FAM81B: variants seen among roughly 807,000 people sequenced by gnomAD.
FAM81B encodes the protein protein FAM81B.
FAM81B carries 60 observed loss-of-function variants against 58.7 expected under a neutral mutation model. The observed-to-expected ratio is 1.02, with a 90% CI of 0.83 to 1.27. The LOEUF (loss-of-function observed/expected upper bound fraction) is 1.27, where lower values mean the gene tolerates loss of function less well. Among genes scored for constraint, FAM81B ranks in the 50% most tolerant of loss-of-function variants. FAM81B has a pLI of 0.00. For synonymous variants in FAM81B, 189 were observed against 179.6 expected, an observed-to-expected ratio of 1.05 and a Z score of -0.42; for missense variants, 491 against 522.0, an observed-to-expected ratio of 0.94 and a Z score of 0.58.
intron 4 of FAM81B, among the ~76,000 whole-genome samples, chr5:95,417,312 T>G (rs137990568): frequency 6.6e-6 from 1 of 152,160 alleles, no homozygotes; most frequent in African/African-American, 2.4e-5. Flanking sequence ...AGAAATAAGA[T>G]TTTTTTTCTT....
At chr5:95,413,264 A>G (rs146864640) in intron 3 of FAM81B, among the ~76,000 whole-genome samples, 2 of 152,146 alleles carry the variant, frequency 1.3e-5, no homozygotes, top group Admixed American at 1.3e-4. Flanking sequence ...TCACACACTA[A>G]TCTCCTCTGG....
At chr5:95,441,249 A>G (rs1745331774) in intron 7 of FAM81B, among the ~76,000 whole-genome samples, 1 of 152,026 alleles carries the variant, frequency 6.6e-6, no homozygotes, top group South Asian at 2.1e-4. Flanking sequence ...GGAACCTCAA[A>G]CTTTACATGC....
chr5:95,436,746 T>A, intron 6 of FAM81B, 54 bp from the exon 7 acceptor site: 1 of 1,116,566 alleles, frequency 9.0e-7, no homozygotes, highest in Non-Finnish European at 1.4e-6. Context: ...AGTATATTAA[T>A]GTGAATGCTG....
rs564408679 is a variant in FAM81B, at chr5:95,442,262, T to C, written c.894-4300T>C. On this transcript the variant is annotated intron_variant, in intron 7 of 9. Transcript: ENST00000283357. ...TACTTACAGTTGAGAAGAAACAACA[T>C]AAGTGAAAAGCTAAACACAGGAAAA... 2.2e-4 allele frequency among the ~76,000 whole-genome samples: 33 copies of C among 152,268 alleles called. No individual in the cohort carries two copies. The East Asian group carries it at 5.4e-3, about 25-fold the overall frequency.
chr5:95,404,828 A>G (rs998835898), intron 3 of FAM81B, among the ~76,000 whole-genome samples: 3 of 152,220 alleles, frequency 2.0e-5, no homozygotes, highest in Non-Finnish European at 4.4e-5. Context: ...AAACAAGTAA[A>G]TAAGATAATT....
At chr5:95,428,114 G>C (rs1172344116) in intron 5 of FAM81B, among the ~76,000 whole-genome samples, 1 of 152,170 alleles carries the variant, frequency 6.6e-6, no homozygotes, top group Non-Finnish European at 1.5e-5. Context: ...AAGATGGATT[G>C]GAAGATTTTG....
intron 3 of FAM81B, chr5:95,396,532 A>G (rs1761970019): frequency 6.1e-6 from 1 of 163,008 alleles, no homozygotes; most frequent in Non-Finnish European, 1.3e-5. Flanking sequence ...TTAACATTTC[A>G]TGATAAAAAC....
At chr5:95,449,306 A>G (rs1388232349) in intron 9 of FAM81B, among the ~76,000 whole-genome samples, 1 of 152,136 alleles carries the variant, frequency 6.6e-6, no homozygotes, top group African/African-American at 2.4e-5. Flanking sequence ...TTCAACCCTC[A>G]CAATATACCC....
At chr5:95,448,513 C>T (rs933899549) in intron 9 of FAM81B, 49 bp downstream of exon 9, 4 of 1,515,736 alleles carry the variant, frequency 2.6e-6, no homozygotes, top group Admixed American at 4.3e-5. Flanking sequence ...CTTTCCTGTT[C>T]AATCCCTCAG....
At chr5:95,429,340 C>T (rs1209952110) in intron 6 of FAM81B, among the ~76,000 whole-genome samples, 2 of 152,152 alleles carry the variant, frequency 1.3e-5, no homozygotes, top group East Asian at 1.9e-4. Flanking sequence ...TTCACCTTCC[C>T]AGTCAATGGT....
At chr5:95,448,677 C>A in intron 9 of FAM81B, 1 of 603,730 alleles carries the variant, frequency 1.7e-6, no homozygotes, top group Non-Finnish European at 3.0e-6. Flanking sequence ...ATGTCACAGG[C>A]CTGCCATTGG....
At chr5:95,441,843 C>A (rs372490254) in intron 7 of FAM81B, among the ~76,000 whole-genome samples, 10 of 152,140 alleles carry the variant, frequency 6.6e-5, no homozygotes, top group African/African-American at 2.4e-4. Flanking sequence ...TAAGTAATGT[C>A]CTAAGCCTAC....
chr5:95,413,884 T>C, intron 3 of FAM81B, 63 bp from the exon 4 acceptor site: 1 of 1,535,940 alleles, frequency 6.5e-7, no homozygotes, highest in Non-Finnish European at 8.7e-7. Flanking sequence ...CTAGTTCTGG[T>C]TCCTGGCTCC....
Position 95,448,922 on chromosome 5 carries a change from G to A in FAM81B, c.1225+458G>A, listed in dbSNP as rs76649455. On this transcript the variant is annotated intron_variant, in intron 9 of 9. Coordinates refer to ENST00000283357, the MANE Select transcript of FAM81B (RefSeq NM_152548.3). The stretch of plus-strand genomic sequence containing the variant: ...TGAGAAAGAGGGATGAATTAGCAGA[G>A]TCCAGTATAATGACTGCTTTTATTT... The A allele has an allele frequency of 6.4e-3, 1,878 of 293,190 alleles. 41 individuals carry two copies. Among genetic ancestry groups the A allele is most frequent in the African/African-American group, 0.039 (1,759 of 44,888 alleles). 18.2% of individuals were successfully genotyped at this position (293,190 alleles called of 1,614,324 possible).
chr5:95,418,756 C>G (rs781561031), intron 4 of FAM81B, among the ~76,000 whole-genome samples: 2 of 152,070 alleles, frequency 1.3e-5, no homozygotes, highest in Non-Finnish European at 2.9e-5. Flanking sequence ...GTTCCTCATT[C>G]AAAGACAAAA....
At chr5:95,425,259 AC>A (rs954976773) in intron 5 of FAM81B, among the ~76,000 whole-genome samples, 7 of 152,074 alleles carry the variant, frequency 4.6e-5, no homozygotes, top group African/African-American at 1.7e-4. Context: ...AAAAACTGTG[AC>A]CATGGAAAAA....
intron 5 of FAM81B, among the ~76,000 whole-genome samples, chr5:95,427,644 T>C (rs1561306189): frequency 6.6e-6 from 1 of 152,208 alleles, no homozygotes. Flanking sequence ...CATAATAATA[T>C]GAAAATGTAT....
intron 1 of FAM81B, among the ~76,000 whole-genome samples, chr5:95,391,931 G>A (rs769114074): frequency 2.6e-5 from 4 of 152,190 alleles, no homozygotes; most frequent in Admixed American, 1.3e-4. Flanking sequence ...CAACCATGTG[G>A]AAGACAGTGA....
chr5:95,403,846 T>C (rs1421626385), intron 3 of FAM81B, among the ~76,000 whole-genome samples: 1 of 152,154 alleles, frequency 6.6e-6, no homozygotes. Context: ...GCTCTTACCA[T>C]AACCAATTGC....
Sources: allele counts gnomAD v4.1 joint callset (sites outside exome capture counted in the v4.1 genomes callset), GRCh38; gene constraint gnomAD v4.1.1; transcripts MANE v1.5; gene names NCBI Gene and HGNC (gene_info 2026-07-23, HGNC 2026-07-21).